Variants in MPZL1 observed in about 807,000 individuals in gnomAD.
MPZL1 encodes the protein myelin protein zero-like protein 1.
MPZL1 carries 16 observed loss-of-function variants against 29.3 expected under a neutral mutation model. The ratio of observed to expected loss-of-function variants is 0.55; its 90% CI spans 0.37 to 0.83. MPZL1 has a LOEUF of 0.83. Ranked by LOEUF, MPZL1 falls within the 40% of genes least tolerant of loss-of-function variation. The pLI is 0.00. For missense variants in MPZL1, 279 were observed against 332.9 expected, an observed-to-expected ratio of 0.84 and a Z score of 1.26; for synonymous variants, 143 against 132.0, an observed-to-expected ratio of 1.08 and a Z score of -0.57.
At chr1:167,773,110 T>C (rs1351230202) in intron 3 of MPZL1, 126 bp from the exon 4 acceptor site, 5 of 914,222 alleles carry the variant, frequency 5.5e-6, no homozygotes, top group Non-Finnish European at 8.3e-6. Flanking sequence ...TAGGATCTCA[T>C]AGTTTGGATA....
intron 1 of MPZL1, among the ~76,000 whole-genome samples, chr1:167,746,169 G>A (rs1291065640): frequency 6.6e-6 from 1 of 152,054 alleles, no homozygotes; most frequent in Non-Finnish European, 1.5e-5. Context: ...AAGGAAGAGT[G>A]GGAGTTGGCC....
chr1:167,736,429 T>G (rs1478458591), intron 1 of MPZL1, among the ~76,000 whole-genome samples: 1 of 152,174 alleles, frequency 6.6e-6, no homozygotes, highest in East Asian at 1.9e-4. Context: ...ACATACCCAT[T>G]TGAATGTCCA....
chr1:167,747,852 T>C (rs987289005), intron 1 of MPZL1, among the ~76,000 whole-genome samples: 3 of 152,194 alleles, frequency 2.0e-5, no homozygotes, highest in African/African-American at 7.2e-5. Flanking sequence ...TCATTACTTA[T>C]ATAATATTAG....
At chr1:167,738,370 ACAAATACT>A (rs1281218761) in intron 1 of MPZL1, among the ~76,000 whole-genome samples, 4 of 152,226 alleles carry the variant, frequency 2.6e-5, no homozygotes, top group Non-Finnish European at 2.9e-5. Context: ...CATGAAGACC[ACAAATACT>A]CATGTCTGCT....
chr1:167,738,080 T>C (rs1660415716), intron 1 of MPZL1, among the ~76,000 whole-genome samples: 1 of 152,008 alleles, frequency 6.6e-6, no homozygotes, highest in African/African-American at 2.4e-5. Flanking sequence ...CGCCTGCCAC[T>C]GTGCCCGGCT....
chr1:167,725,350 C>T (rs554972696), intron 1 of MPZL1, among the ~76,000 whole-genome samples: 9 of 152,204 alleles, frequency 5.9e-5, no homozygotes, highest in Non-Finnish European at 1.3e-4. Context: ...GGCACAATCT[C>T]GGCTTACTGC....
chr1:167,746,967 G>A (rs1304818575), intron 1 of MPZL1, among the ~76,000 whole-genome samples: 5 of 151,940 alleles, frequency 3.3e-5, no homozygotes, highest in African/African-American at 1.2e-4. Context: ...TTCAGTTTGG[G>A]TCTCCAAACA....
At chr1:167,734,580 A>G (rs1417230729) in intron 1 of MPZL1, among the ~76,000 whole-genome samples, 1 of 152,254 alleles carries the variant, frequency 6.6e-6, no homozygotes, top group East Asian at 1.9e-4. Flanking sequence ...TATATAAATT[A>G]GAAAAATCAA....
intron 1 of MPZL1, among the ~76,000 whole-genome samples, chr1:167,732,501 G>A (rs984011458): frequency 2.0e-5 from 3 of 152,192 alleles, no homozygotes; most frequent in African/African-American, 7.2e-5. Context: ...GCAGTGGCTG[G>A]CAATTCACAA....
chr1:167,767,519 T>C (rs1661140637), intron 2 of MPZL1, among the ~76,000 whole-genome samples: 1 of 152,240 alleles, frequency 6.6e-6, no homozygotes, highest in African/African-American at 2.4e-5. Flanking sequence ...TTAATATTTT[T>C]AGCTAATCAA....
At chr1:167,761,559 G>C (rs1232858132) in intron 1 of MPZL1, among the ~76,000 whole-genome samples, 3 of 152,194 alleles carry the variant, frequency 2.0e-5, no homozygotes, top group African/African-American at 7.2e-5. Flanking sequence ...GAAATAAGCA[G>C]CTCAGTCATT....
rs540117631 is a variant in MPZL1, at chr1:167,721,992, A to G, written c.-160A>G. 5.1e-5 allele frequency: 55 copies of G among 1,073,750 alleles called. No individual in the cohort carries two copies. The African/African-American group carries it at 5.5e-4, about 11-fold the overall frequency. 66.5% of individuals were successfully genotyped at this position (1,073,750 alleles called of 1,614,324 possible). ...GGCTGAGGCTTCGGTGCAGAGCTGG[A>G]GAGCCGCGGCTGGGACCGGAGTGGG... On this transcript the variant is annotated 5_prime_UTR_variant, in exon 1 of 6. Transcript: ENST00000359523.
In MPZL1 at chr1:167,779,105, G is replaced by C. The variant is rs144770920; in HGVS notation, c.708+2939G>C. On this transcript the variant is annotated intron_variant, in intron 5 of 5. Transcript: ENST00000359523. ...CCACTGTACTCCAGCCTGGGCAACA[G>C]AGCGAGACTCTGTCTCAAAAAAGAA... Among the ~76,000 whole-genome samples, 688 of 151,878 alleles carry C rather than the reference G, an allele frequency of 4.5e-3. 10 individuals are homozygous for C. Among genetic ancestry groups the C allele is most frequent in the African/African-American group, 0.016 (655 of 41,386 alleles).
intron 1 of MPZL1, among the ~76,000 whole-genome samples, chr1:167,729,251 T>C (rs1660217562): frequency 6.6e-6 from 1 of 150,690 alleles, no homozygotes; most frequent in South Asian, 2.1e-4. Flanking sequence ...GCCTGGGTGA[T>C]AGAGTGAGAC....
At position 167,789,751 on chromosome 1, in the gene MPZL1, GA is replaced by G. The variant is rs765685656; in HGVS notation, c.*1837del. On this transcript the variant is annotated 3_prime_UTR_variant, in exon 6 of 6. Coordinates refer to ENST00000359523, the MANE Select transcript of MPZL1 (RefSeq NM_003953.6). ...TGCTCTGTGTTCTGTGTGGAATGGA[GA>G]AAAAAACGCCTGCCCTGCTGCCTTC... The G allele has an allele frequency of 7.9e-5, 12 of 152,316 alleles. No homozygotes were observed. The highest frequency in any genetic ancestry group is 3.4e-3 in the Middle Eastern group (1 of 294). 9.4% of individuals were successfully genotyped at this position (152,316 alleles called of 1,614,324 possible).
At chr1:167,753,025 G>A (rs1323516043) in intron 1 of MPZL1, among the ~76,000 whole-genome samples, 1 of 152,226 alleles carries the variant, frequency 6.6e-6, no homozygotes, top group African/African-American at 2.4e-5. Context: ...TAATTGCAAG[G>A]GAGATTGTGC....
intron 1 of MPZL1, among the ~76,000 whole-genome samples, chr1:167,752,745 CAG>C (rs1660783765): frequency 6.6e-6 from 1 of 152,162 alleles, no homozygotes; most frequent in Non-Finnish European, 1.5e-5. Context: ...TTCTAGGAGC[CAG>C]AGAGAGCTTG....
At chr1:167,758,802 T>C (rs1232114953) in intron 1 of MPZL1, among the ~76,000 whole-genome samples, 2 of 152,180 alleles carry the variant, frequency 1.3e-5, no homozygotes, top group East Asian at 1.9e-4. Context: ...AGAGAAGGGT[T>C]GTTTGGATTT....
At chr1:167,779,203 C>G (rs558095406) in intron 5 of MPZL1, among the ~76,000 whole-genome samples, 1 of 151,420 alleles carries the variant, frequency 6.6e-6, no homozygotes, top group South Asian at 2.1e-4. Flanking sequence ...AATTAGAATC[C>G]GAGAAGAAAA....
Sources: allele counts gnomAD v4.1 joint callset (sites outside exome capture counted in the v4.1 genomes callset), GRCh38; gene constraint gnomAD v4.1.1; transcripts MANE v1.5; gene names NCBI Gene and HGNC (gene_info 2026-07-23, HGNC 2026-07-21).